KSR2: variants seen among roughly 807,000 people sequenced by gnomAD.
KSR2 encodes kinase suppressor of ras 2.
KSR2 carries 25 observed loss-of-function variants against 107.8 expected under a neutral mutation model. The ratio of observed to expected loss-of-function variants is 0.23; its 90% CI spans 0.17 to 0.32. The LOEUF is 0.32. Among genes scored for constraint, KSR2 ranks in the 10% least tolerant of loss-of-function variants. KSR2 has a pLI of 1.00. For synonymous variants in KSR2, 480 were observed against 507.0 expected (o/e 0.95, Z 0.71); for missense variants, 887 against 1,268.9 (o/e 0.70, Z 4.57).
intron 3 of KSR2, among the ~76,000 whole-genome samples, chr12:117,825,116 A>G (rs2137091443): frequency 6.6e-6 from 1 of 151,992 alleles, no homozygotes; most frequent in East Asian, 1.9e-4. Context: ...CAGGAGGTGG[A>G]GGCTGTAGTG....
intron 1 of KSR2, among the ~76,000 whole-genome samples, chr12:117,887,101 T>G (rs1389598520): frequency 6.6e-6 from 1 of 152,002 alleles, no homozygotes; most frequent in East Asian, 1.9e-4. Flanking sequence ...ATTTTTTATT[T>G]TTAGTAGAGA....
At chr12:117,524,045 TTTG>T (rs1565882997) in intron 14 of KSR2, among the ~76,000 whole-genome samples, 1 of 152,112 alleles carries the variant, frequency 6.6e-6, no homozygotes, top group African/African-American at 2.4e-5. Context: ...ACTCCCTGGG[TTTG>T]TAAATGACGT....
chr12:117,565,219 T>C (rs1878397176), intron 7 of KSR2, among the ~76,000 whole-genome samples: 1 of 152,204 alleles, frequency 6.6e-6, no homozygotes, highest in Non-Finnish European at 1.5e-5. Context: ...TCACTGTTCA[T>C]TGGGCGATTC....
intron 3 of KSR2, among the ~76,000 whole-genome samples, chr12:117,762,153 C>T (rs1889058976): frequency 1.3e-5 from 2 of 152,240 alleles, no homozygotes; most frequent in African/African-American, 2.4e-5. Context: ...GAAGTTAATT[C>T]TCACTTTTTG....
chr12:117,934,103 A>C (rs7978973), intron 1 of KSR2, among the ~76,000 whole-genome samples: 2,054 of 152,258 alleles, frequency 0.013, 32 homozygotes, highest in African/African-American at 0.047. Flanking sequence ...AATTTTCTGC[A>C]TTTGCTGGAA....
intron 5 of KSR2, among the ~76,000 whole-genome samples, chr12:117,630,603 T>G (rs1473822571): frequency 6.6e-6 from 1 of 151,908 alleles, no homozygotes; most frequent in African/African-American, 2.4e-5. Flanking sequence ...GGGGAATGAA[T>G]TGGAAGAAGG....
chr12:117,772,694 A>C (rs1292870558), intron 3 of KSR2, among the ~76,000 whole-genome samples: 1 of 144,776 alleles, frequency 6.9e-6, no homozygotes, highest in East Asian at 2.1e-4. Flanking sequence ...CATACACACC[A>C]TTCCCCCAAA....
chr12:117,966,622 C>G (rs1360226542), intron 1 of KSR2, among the ~76,000 whole-genome samples: 16 of 129,448 alleles, frequency 1.2e-4, no homozygotes, highest in African/African-American at 4.7e-4. Flanking sequence ...CACACGCGCA[C>G]GCACACACAC....
At chr12:117,621,840 T>A (rs781133652) in intron 5 of KSR2, among the ~76,000 whole-genome samples, 12 of 152,174 alleles carry the variant, frequency 7.9e-5, no homozygotes, top group South Asian at 2.1e-4. Context: ...ATAAAAATAA[T>A]AATCATAATG....
chr12:117,770,222 G>C (rs1889387652), intron 3 of KSR2, among the ~76,000 whole-genome samples: 1 of 152,166 alleles, frequency 6.6e-6, no homozygotes, highest in African/African-American at 2.4e-5. Context: ...GTTAAGATGA[G>C]TTAATACTGG....
intron 1 of KSR2, among the ~76,000 whole-genome samples, chr12:117,899,572 A>T (rs537921928): frequency 6.6e-6 from 1 of 152,328 alleles, no homozygotes; most frequent in Non-Finnish European, 1.5e-5. Context: ...CCGTGCACCA[A>T]CAATGAAGTG....
At chr12:117,817,386 C>A (rs533867917) in intron 3 of KSR2, among the ~76,000 whole-genome samples, 4 of 152,136 alleles carry the variant, frequency 2.6e-5, no homozygotes, top group African/African-American at 9.6e-5. Flanking sequence ...GCCCCCCACC[C>A]ACACCGATGT....
chr12:117,472,773 T>C (rs1226937460), intron 17 of KSR2, among the ~76,000 whole-genome samples: 1 of 152,204 alleles, frequency 6.6e-6, no homozygotes, highest in Non-Finnish European at 1.5e-5. Context: ...GAAATAATAA[T>C]GCTTATTGAG....
intron 4 of KSR2, among the ~76,000 whole-genome samples, chr12:117,716,572 C>G (rs559166350): frequency 6.6e-6 from 1 of 152,364 alleles, no homozygotes; most frequent in East Asian, 1.9e-4. Context: ...CCAACTTCAA[C>G]TGTTTCTTTT....
At chr12:117,579,559 T>C (rs773354199) in intron 6 of KSR2, among the ~76,000 whole-genome samples, 4 of 152,206 alleles carry the variant, frequency 2.6e-5, no homozygotes, top group Admixed American at 2.0e-4. Context: ...AAATATTGCC[T>C]GGTGGCCTAC....
chr12:117,846,886 C>T (rs1892725050), intron 3 of KSR2, among the ~76,000 whole-genome samples: 2 of 152,244 alleles, frequency 1.3e-5, no homozygotes, highest in Admixed American at 1.3e-4. Context: ...CCACAGCCAG[C>T]CAGCCTTCCC....
rs1870566781 is a variant in KSR2, at chr12:117,455,335, A to G, written c.*11864T>C. On this transcript the variant is annotated 3_prime_UTR_variant, in exon 20 of 20. Coordinates refer to ENST00000339824, the MANE Select transcript of KSR2 (RefSeq NM_173598.6). ...AGGCAGGCAAGTGCCAGGGGGCAGG[A>G]TTTTAGCCACTTGCAGTTACCCTCA... 2 of 152,292 alleles carry G rather than the reference A, an allele frequency of 1.3e-5. No individual in the cohort carries two copies. Among genetic ancestry groups the G allele is most frequent in the Non-Finnish European group, 2.9e-5 (2 of 68,092 alleles). 9.4% of individuals were successfully genotyped at this position (152,292 alleles called of 1,614,324 possible). A position where few individuals can be genotyped will look rare whatever the true frequency, so the allele number is the denominator to read the frequency against.
chr12:117,875,968 A>T (rs994891808), intron 1 of KSR2, among the ~76,000 whole-genome samples: 1 of 152,036 alleles, frequency 6.6e-6, no homozygotes, highest in African/African-American at 2.4e-5. Flanking sequence ...TGCTCAATAC[A>T]TTTTTCTTGG....
intron 4 of KSR2, among the ~76,000 whole-genome samples, chr12:117,751,386 T>C (rs917010486): frequency 6.6e-6 from 1 of 152,166 alleles, no homozygotes; most frequent in African/African-American, 2.4e-5. Context: ...ATTAACACAA[T>C]CTTTTCCTCT....
Sources: allele counts gnomAD v4.1 joint callset (sites outside exome capture counted in the v4.1 genomes callset), GRCh38; gene constraint gnomAD v4.1.1; transcripts MANE v1.5; gene names NCBI Gene and HGNC (gene_info 2026-07-23, HGNC 2026-07-21).